The following TBPL2 variants were observed in gnomAD, a reference collection of about 807,000 sequenced individuals.
TBPL2 encodes the protein TATA-box binding protein like 2, also known as TATA box-binding protein-like 2.
TBPL2 carries 40 observed loss-of-function variants against 38.2 expected under a neutral mutation model. That is an observed-to-expected ratio of 1.05 (90% confidence interval 0.81 to 1.36). TBPL2 has a LOEUF of 1.36. Among genes scored for constraint, TBPL2 ranks in the 40% most tolerant of loss-of-function variants. The pLI, the probability that TBPL2 is intolerant of heterozygous loss-of-function variation, is 0.00. For synonymous variants in TBPL2, 169 were observed against 171.7 expected (o/e 0.98, Z 0.12); for missense variants, 461 against 456.7 (o/e 1.01, Z -0.09).
At chr14:55,415,984 A>C (rs1233310402) in intron 6 of TBPL2, among the ~76,000 whole-genome samples, 1 of 152,242 alleles carries the variant, frequency 6.6e-6, no homozygotes, top group African/African-American at 2.4e-5. Context: ...AAAGCCAGAC[A>C]TGAAAAGTCA....
intron 6 of TBPL2, among the ~76,000 whole-genome samples, chr14:55,419,235 A>G (rs1404051070): frequency 6.6e-6 from 1 of 152,230 alleles, no homozygotes; most frequent in Non-Finnish European, 1.5e-5. Flanking sequence ...CAGCTGCTTG[A>G]TATCGTTAAG....
At chr14:55,419,625 G>T (rs1464132309) in intron 6 of TBPL2, among the ~76,000 whole-genome samples, 4 of 152,160 alleles carry the variant, frequency 2.6e-5, no homozygotes, top group Non-Finnish European at 4.4e-5. Context: ...CAGCTTACTT[G>T]ACTATAATTA....
chr14:55,437,852 C>A (rs1886040739), intron 1 of TBPL2, among the ~76,000 whole-genome samples: 1 of 152,238 alleles, frequency 6.6e-6, no homozygotes, highest in South Asian at 2.1e-4. Flanking sequence ...AATAAGAATT[C>A]TTGTAATGTT....
At chr14:55,437,082 G>A (rs1246732011) in intron 1 of TBPL2, 64 bp from the exon 2 acceptor site, 51 of 1,435,436 alleles carry the variant, frequency 3.6e-5, no homozygotes, top group Non-Finnish European at 4.5e-5. Context: ...TACACAAAAG[G>A]GATGTCACTA....
At chr14:55,418,540 G>C (rs1885700424) in intron 6 of TBPL2, among the ~76,000 whole-genome samples, 1 of 152,084 alleles carries the variant, frequency 6.6e-6, no homozygotes, top group Non-Finnish European at 1.5e-5. Context: ...TTAGTTGGGG[G>C]TTACTGTTAA....
intron 4 of TBPL2, among the ~76,000 whole-genome samples, chr14:55,432,966 T>A (rs545179385): frequency 2.0e-5 from 3 of 152,324 alleles, no homozygotes; most frequent in Non-Finnish European, 4.4e-5. Flanking sequence ...TATCCATTTA[T>A]CTGCAATGAG....
chr14:55,436,800 T>C, exon 2 of TBPL2: 2 of 1,614,222 alleles, frequency 1.2e-6, no homozygotes, highest in Non-Finnish European at 1.7e-6. Context: ...TTTCAGAATT[T>C]TCTTCAGTTT....
chr14:55,436,942 T>G (rs535467092), exon 2 of TBPL2: 1 of 1,614,208 alleles, frequency 6.2e-7, no homozygotes, highest in Admixed American at 1.7e-5. Context: ...AGTATCCGGA[T>G]TGGATGCATT....
At chr14:55,440,313 T>C (rs1403531703) in intron 1 of TBPL2, 83 bp downstream of exon 1, 1 of 1,538,040 alleles carries the variant, frequency 6.5e-7, no homozygotes, top group African/African-American at 1.4e-5. Context: ...GCTATGAGTT[T>C]TAAGAGGAAC....
chr14:55,437,824 C>G lies in TBPL2; in HGVS notation c.151-806G>C, dbSNP rs1461442438. 2.0e-5 allele frequency among the ~76,000 whole-genome samples: 3 copies of G among 152,274 alleles called. No homozygotes were observed. In the South Asian group the frequency reaches 6.2e-4, roughly 32 times the overall value. On this transcript the variant is annotated intron_variant, in intron 1 of 6. Coordinates refer to ENST00000247219, the Ensembl canonical transcript of TBPL2. Reference sequence around the variant, plus strand: ...GACTCACTAAAGACCCATGGTTATTCCTTCTAGGCAAAGGCGTAATAAGAA... The same window carrying G: ...GACTCACTAAAGACCCATGGTTATTGCTTCTAGGCAAAGGCGTAATAAGAA...
intron 6 of TBPL2, among the ~76,000 whole-genome samples, chr14:55,422,125 A>G (rs937850697): frequency 6.6e-6 from 1 of 152,204 alleles, no homozygotes; most frequent in African/African-American, 2.4e-5. Context: ...AAGAACAGCC[A>G]CATATGTAAA....
intron 6 of TBPL2, among the ~76,000 whole-genome samples, chr14:55,417,480 G>T (rs1442170086): frequency 1.0e-5 from 1 of 99,586 alleles, no homozygotes; most frequent in Non-Finnish European, 2.0e-5. Flanking sequence ...AAAAAAAAAA[G>T]TCTCGCTCGG....
intron 1 of TBPL2, 122 bp downstream of exon 1, chr14:55,440,274 T>G (rs1886089236): frequency 1.6e-6 from 2 of 1,273,510 alleles, no homozygotes; most frequent in Middle Eastern, 2.0e-4. Flanking sequence ...ACTTAATGAC[T>G]TGGGAAACCA....
At chr14:55,432,202 G>A (rs1311469168) in intron 4 of TBPL2, among the ~76,000 whole-genome samples, 1 of 148,396 alleles carries the variant, frequency 6.7e-6, no homozygotes, top group South Asian at 2.1e-4. Context: ...GAGCCCAGGA[G>A]TTCGAGACCA....
intron 6 of TBPL2, among the ~76,000 whole-genome samples, chr14:55,415,137 T>C (rs910405524): frequency 6.6e-6 from 1 of 152,214 alleles, no homozygotes; most frequent in African/African-American, 2.4e-5. Flanking sequence ...TTCCAAATTA[T>C]GCAGGCACGT....
exon 2 of TBPL2, chr14:55,436,567 T>C (rs756919959): frequency 1.9e-6 from 3 of 1,613,370 alleles, no homozygotes; most frequent in Non-Finnish European, 2.5e-6. Context: ...TTACTGTAGT[T>C]GAGGTACAAT....
chr14:55,429,229 T>C (rs1214089405), intron 4 of TBPL2, among the ~76,000 whole-genome samples: 1 of 152,250 alleles, frequency 6.6e-6, no homozygotes, highest in Non-Finnish European at 1.5e-5. Flanking sequence ...TATGAAGTAC[T>C]TTTACTTTTA....
intron 4 of TBPL2, among the ~76,000 whole-genome samples, chr14:55,431,815 C>T (rs563142773): frequency 3.6e-4 from 55 of 152,160 alleles, no homozygotes; most frequent in African/African-American, 1.2e-3. Flanking sequence ...AAATTCAGTC[C>T]CTCAGTTGTA....
intron 6 of TBPL2, among the ~76,000 whole-genome samples, chr14:55,415,022 A>G (rs1885647659): frequency 6.6e-6 from 1 of 152,238 alleles, no homozygotes; most frequent in Non-Finnish European, 1.5e-5. Flanking sequence ...TAACTGCTGT[A>G]GGAATTACAG....
Sources: allele counts gnomAD v4.1 joint callset (sites outside exome capture counted in the v4.1 genomes callset), GRCh38; gene constraint gnomAD v4.1.1; transcripts MANE v1.5; gene names NCBI Gene and HGNC (gene_info 2026-07-23, HGNC 2026-07-21).